PDE4B: variants seen among roughly 807,000 people sequenced by gnomAD.
The protein encoded by PDE4B is phosphodiesterase 4B.
A neutral mutation model predicts 82.2 loss-of-function variants in PDE4B; 20 were observed. The observed-to-expected ratio is 0.24, with a 90% confidence interval of 0.17 to 0.35. PDE4B has a LOEUF of 0.35. Ranked by LOEUF, PDE4B falls within the 10% of genes least tolerant of loss-of-function variation. The pLI, the probability that PDE4B is intolerant of heterozygous loss-of-function variation, is 1.00. For missense variants in PDE4B, 655 were observed against 907.2 expected (o/e 0.72, Z 3.57); for synonymous variants, 320 against 318.9 (o/e 1.00, Z -0.04).
At chr1:65,838,616 T>C (rs1219669889) in intron 1 of PDE4B, among the ~76,000 whole-genome samples, 1 of 148,952 alleles carries the variant, frequency 6.7e-6, no homozygotes, top group African/African-American at 2.4e-5. Context: ...TGTATATGTG[T>C]ATATATATGT....
At chr1:66,212,402 T>C (rs1354745981) in intron 3 of PDE4B, among the ~76,000 whole-genome samples, 1 of 152,180 alleles carries the variant, frequency 6.6e-6, no homozygotes, top group East Asian at 1.9e-4. Context: ...TGTTATTCTG[T>C]CTGAAATGTC....
At chr1:66,195,702 G>C (rs548013164) in intron 3 of PDE4B, among the ~76,000 whole-genome samples, 1 of 152,126 alleles carries the variant, frequency 6.6e-6, no homozygotes, top group Non-Finnish European at 1.5e-5. Context: ...TCCTGGCACT[G>C]TTGGGTTCTT....
intron 3 of PDE4B, among the ~76,000 whole-genome samples, chr1:66,109,629 T>TA (rs1323700938): frequency 6.6e-6 from 1 of 151,952 alleles, no homozygotes; most frequent in Admixed American, 6.6e-5. Context: ...TTCTAGCTCA[T>TA]AGCCCTATTC....
intron 3 of PDE4B, among the ~76,000 whole-genome samples, chr1:66,044,089 G>A (rs11208787): frequency 0.53 from 79,503 of 151,326 alleles, 20,976 homozygotes; most frequent in East Asian, 0.59. Context: ...TATCACTTCT[G>A]TGGGTAGGAA....
At chr1:65,877,559 G>A (rs1358268750) in intron 1 of PDE4B, among the ~76,000 whole-genome samples, 1 of 151,886 alleles carries the variant, frequency 6.6e-6, no homozygotes, top group Non-Finnish European at 1.5e-5. Flanking sequence ...AGTTTGCAGT[G>A]AGCCAAGATC....
chr1:65,934,082 C>A (rs72685057), intron 3 of PDE4B, among the ~76,000 whole-genome samples: 10,280 of 151,604 alleles, frequency 0.068, 383 homozygotes, highest in South Asian at 0.12. Context: ...TTATGTAAGC[C>A]CCATAGTGGC....
chr1:65,972,550 G>A (rs963713896), intron 3 of PDE4B, among the ~76,000 whole-genome samples: 8 of 152,098 alleles, frequency 5.3e-5, no homozygotes, highest in African/African-American at 1.9e-4. Context: ...TTTCTTTGAC[G>A]GAAAGTAGTT....
Position 65,805,287 on chromosome 1 carries a change from C to A in PDE4B, c.-71+12039C>A, listed in dbSNP as rs556690334. On this transcript the variant is annotated intron_variant, in intron 1 of 16. Coordinates refer to ENST00000341517, the MANE Select transcript of PDE4B (RefSeq NM_002600.4). Reference sequence around the variant, plus strand: ...GCCAGGGGCATGTCTCTTTTCAGTACATGGATTTCAAAGATGTCATGACCA... The same window carrying A: ...GCCAGGGGCATGTCTCTTTTCAGTAAATGGATTTCAAAGATGTCATGACCA... Among the ~76,000 whole-genome samples, 26 of 152,248 alleles carry A rather than the reference C, an allele frequency of 1.7e-4. No individual in the cohort carries two copies. In the East Asian group the frequency reaches 4.8e-3, roughly 28 times the overall value.
intron 7 of PDE4B, among the ~76,000 whole-genome samples, chr1:66,280,941 C>T (rs954059614): frequency 2.6e-5 from 4 of 152,116 alleles, no homozygotes; most frequent in African/African-American, 9.7e-5. Context: ...GCACAGCAGA[C>T]GTAAACATCG....
chr1:66,273,634 T>C lies in PDE4B; in HGVS notation c.634+7547T>C, dbSNP rs1024622951. Among the ~76,000 whole-genome samples the C allele has an allele frequency of 4.6e-5, 7 of 152,378 alleles. No homozygotes were observed. In the South Asian group the frequency reaches 1.2e-3, roughly 27 times the overall value. On this transcript the variant is annotated intron_variant, in intron 7 of 16. Coordinates refer to ENST00000341517, the MANE Select transcript of PDE4B (RefSeq NM_002600.4). ...TCATACTGTATTGTAATTATTTCAT[T>C]TTTTCCCATTCTAAACTAAAAGCAT...
chr1:66,050,487 A>T (rs1375142318), intron 3 of PDE4B: 9 of 151,902 alleles, frequency 5.9e-5, no homozygotes, highest in Non-Finnish European at 1.5e-5. Context: ...ACATGTATGC[A>T]CACACACACA....
At chr1:65,916,387 A>G (rs1412361491) in intron 2 of PDE4B, among the ~76,000 whole-genome samples, 1 of 152,110 alleles carries the variant, frequency 6.6e-6, no homozygotes, top group Non-Finnish European at 1.5e-5. Flanking sequence ...CTACAATTAA[A>G]CCTGGATGGT....
chr1:66,208,674 G>C (rs1649769558), intron 3 of PDE4B, among the ~76,000 whole-genome samples: 1 of 152,144 alleles, frequency 6.6e-6, no homozygotes, highest in South Asian at 2.1e-4. Flanking sequence ...CTCCTCCAAA[G>C]TCATTCAAAT....
chr1:66,313,463 T>C (rs2101872524), intron 7 of PDE4B, among the ~76,000 whole-genome samples: 1 of 152,292 alleles, frequency 6.6e-6, no homozygotes, highest in East Asian at 1.9e-4. Flanking sequence ...AAGATTCACT[T>C]CCCTTCTCCT....
chr1:66,330,106 C>T (rs1200975628), intron 7 of PDE4B, among the ~76,000 whole-genome samples: 1 of 152,196 alleles, frequency 6.6e-6, no homozygotes, highest in Non-Finnish European at 1.5e-5. Context: ...GATAGGAAGA[C>T]TATAAAGTGG....
intron 1 of PDE4B, among the ~76,000 whole-genome samples, chr1:65,895,543 C>T (rs1244378894): frequency 9.5e-6 from 1 of 105,500 alleles, no homozygotes; most frequent in Non-Finnish European, 1.9e-5. Context: ...GAGTGAGACA[C>T]TGTCTCAAAA....
intron 3 of PDE4B, among the ~76,000 whole-genome samples, chr1:66,085,156 C>T (rs1256409930): frequency 6.6e-6 from 1 of 152,180 alleles, no homozygotes; most frequent in African/African-American, 2.4e-5. Flanking sequence ...ATCCCTGTGC[C>T]CTACCCAGGA....
intron 1 of PDE4B, among the ~76,000 whole-genome samples, chr1:65,878,506 A>T (rs1646673881): frequency 6.6e-6 from 1 of 152,242 alleles, no homozygotes; most frequent in African/African-American, 2.4e-5. Flanking sequence ...GTTAGACTGG[A>T]TAAAGAAAAT....
intron 3 of PDE4B, among the ~76,000 whole-genome samples, chr1:66,235,218 A>G (rs528598794): frequency 2.0e-5 from 3 of 152,298 alleles, no homozygotes; most frequent in Non-Finnish European, 4.4e-5. Context: ...AAAAATGTCT[A>G]TCTTTGTCAA....
Sources: gnomAD v4.1 joint callset for allele counts (sites outside exome capture counted in the v4.1 genomes callset) on GRCh38, gnomAD v4.1.1 for gene constraint, MANE v1.5 for transcripts, NCBI Gene and HGNC (gene_info 2026-07-23, HGNC 2026-07-21) for gene names.